Variants in ZFR2 observed in about 807,000 individuals in gnomAD.
ZFR2 encodes the protein zinc finger RNA-binding protein 2.
ZFR2 carries 104 observed loss-of-function variants against 105.7 expected under a neutral mutation model. That is an observed-to-expected ratio of 0.98 (90% confidence interval 0.84 to 1.16). The LOEUF is 1.16. ZFR2 is among the 50% of genes most tolerant of loss of function. The pLI, the probability that ZFR2 is intolerant of heterozygous loss-of-function variation, is 0.00. For synonymous variants in ZFR2, 634 were observed against 597.7 expected, an observed-to-expected ratio of 1.06 and a Z score of -0.89; for missense variants, 1,425 against 1,355.5, an observed-to-expected ratio of 1.05 and a Z score of -0.80.
intron 1 of ZFR2, among the ~76,000 whole-genome samples, chr19:3,861,461 CA>C (rs1360553676): frequency 2.7e-5 from 4 of 147,786 alleles, no homozygotes; most frequent in Non-Finnish European, 6.0e-5. Flanking sequence ...CCCGTCTCTA[CA>C]AAAAAATACA....
intron 12 of ZFR2, among the ~76,000 whole-genome samples, chr19:3,817,567 G>GATA (rs10605531): frequency 0.27 from 33,809 of 123,438 alleles, 4,639 homozygotes; most frequent in Admixed American, 0.35. Flanking sequence ...TCAAAATAAT[G>GATA]ATAATAATAA....
At position 3,831,285 on chromosome 19, in the gene ZFR2, GGC is replaced by G; in HGVS notation, c.852+16_852+17del. On this transcript the variant is annotated intron_variant, in intron 5 of 18. Coordinates refer to ENST00000262961, the MANE Select transcript of ZFR2 (RefSeq NM_015174.2). ...AGAGAGGTCCCTGGGGCCTGCCCAT[GGC>G]AGGAGGGCGACTGACCTGGGGGCCA... 6.7e-7 allele frequency: 1 copy of G among 1,501,680 alleles called. No homozygotes were observed. Among genetic ancestry groups the G allele is most frequent in the South Asian group, 1.3e-5 (1 of 77,424 alleles). 93.0% of individuals were successfully genotyped at this position (1,501,680 alleles called of 1,614,324 possible). A position where few individuals can be genotyped will look rare whatever the true frequency, so the allele number is the denominator to read the frequency against.
Position 3,822,127 on chromosome 19 carries a change from G to T in ZFR2, c.1445C>A (p.Ala482Glu). ...LCECSFNDLNAKDLHVRGRRH... is the reference protein window; with the variant it reads ...LCECSFNDLNEKDLHVRGRRH... ...CCGCCCCCTCACGTGCAGGTCCTTC[G>T]CGTTAAGGTCGTTGAAACTGCACTC... Residue 482 changes from alanine to glutamate, a missense_variant, in exon 9 of 19, where the codon GCG becomes GAG. Ala to Glu is a moderately radical substitution (Grantham distance 107, BLOSUM62 -1). Transcript: ENST00000262961. 1.2e-6 allele frequency: 2 copies of T among 1,610,428 alleles called. No homozygotes were observed. The highest frequency in any genetic ancestry group is 1.7e-6 in the Non-Finnish European group (2 of 1,178,722).
intron 5 of ZFR2, among the ~76,000 whole-genome samples, chr19:3,829,930 G>A (rs1666578302): frequency 6.6e-6 from 1 of 152,178 alleles, no homozygotes; most frequent in African/African-American, 2.4e-5. Context: ...GTTCCTCAAA[G>A]TACTGACCCT....
At chr19:3,815,036 G>A (rs942006873) in intron 13 of ZFR2, among the ~76,000 whole-genome samples, 2 of 152,192 alleles carry the variant, frequency 1.3e-5, no homozygotes, top group African/African-American at 4.8e-5. Flanking sequence ...TCCCAGGGAT[G>A]GTGACAGACG....
chr19:3,840,710 G>T (rs566615271), intron 1 of ZFR2, among the ~76,000 whole-genome samples: 347 of 151,830 alleles, frequency 2.3e-3, no homozygotes, highest in Non-Finnish European at 2.9e-3. Context: ...TTGTTTTTTT[G>T]GGGTAGAGAT....
intron 16 of ZFR2, among the ~76,000 whole-genome samples, chr19:3,810,270 C>A (rs1264789388): frequency 6.6e-6 from 1 of 152,180 alleles, no homozygotes; most frequent in Non-Finnish European, 1.5e-5. Flanking sequence ...GGGCATGGGG[C>A]GTGCTCTGTG....
chr19:3,860,035 C>T (rs1011667401), intron 1 of ZFR2, among the ~76,000 whole-genome samples: 1 of 151,792 alleles, frequency 6.6e-6, no homozygotes, highest in Non-Finnish European at 1.5e-5. Context: ...ACCAAAAGGA[C>T]TTTTTTGCTT....
rs888510137 is a variant in ZFR2 at position 3,818,421 on chromosome 19, G to A, written c.1931+624C>T. On this transcript the variant is annotated intron_variant, in intron 12 of 18. Transcript: ENST00000262961. ...GTCTGAGGGTCAGTGAGCTCTGATCGCGCCATTGCCCTCCAGCCTGGGTAA... is the reference window on the plus strand; with the variant it reads ...GTCTGAGGGTCAGTGAGCTCTGATCACGCCATTGCCCTCCAGCCTGGGTAA... 9.9e-5 allele frequency among the ~76,000 whole-genome samples: 15 copies of A among 152,152 alleles called. 1 individual carries two copies. The highest frequency in any genetic ancestry group is 5.2e-4 in the Admixed American group (8 of 15,274).
intron 1 of ZFR2, among the ~76,000 whole-genome samples, chr19:3,866,667 A>G (rs1022763855): frequency 1.3e-5 from 2 of 152,174 alleles, no homozygotes; most frequent in African/African-American, 4.8e-5. Flanking sequence ...GGAAGAATAC[A>G]ATGGAGAAAG....
chr19:3,815,544 T>C (rs1015540348), intron 13 of ZFR2, among the ~76,000 whole-genome samples: 5 of 152,248 alleles, frequency 3.3e-5, no homozygotes, highest in African/African-American at 4.8e-5. Context: ...CTAGTCGCCA[T>C]TGCTGCGAAT....
At chr19:3,835,179 C>A (rs757437) in intron 1 of ZFR2, among the ~76,000 whole-genome samples, 196 bp from the exon 2 acceptor site, 125,255 of 152,096 alleles carry the variant, frequency 0.82, 52,229 homozygotes, top group East Asian at 0.98. Context: ...TAATGCTGGG[C>A]CTATCACTGC....
At chr19:3,855,301 A>G in intron 1 of ZFR2, 1 of 1,069,946 alleles carries the variant, frequency 9.3e-7, no homozygotes, top group Non-Finnish European at 1.2e-6. Context: ...CTTCTGGCTA[A>G]GCTGAAAAAA....
chr19:3,843,265 G>A (rs1370812028), intron 1 of ZFR2, among the ~76,000 whole-genome samples: 1 of 151,628 alleles, frequency 6.6e-6, no homozygotes, highest in Non-Finnish European at 1.5e-5. Context: ...GAGGTCAGGA[G>A]GTCGGGACCA....
At chr19:3,810,607 G>A (rs1246888442) in intron 16 of ZFR2, 143 bp downstream of exon 16, 2 of 679,376 alleles carry the variant, frequency 2.9e-6, no homozygotes, top group Non-Finnish European at 4.6e-6. Context: ...GGGACCTCAG[G>A]GACTCCCACG....
At chr19:3,820,933 G>T (rs2037884743) in intron 10 of ZFR2, among the ~76,000 whole-genome samples, 1 of 102,666 alleles carries the variant, frequency 9.7e-6, no homozygotes. Context: ...CGGGGGTCGG[G>T]GGACACAGGG....
Position 3,834,658 on chromosome 19 carries a change from A to C in ZFR2, c.264+115T>G, listed in dbSNP as rs2038058710. The C allele has an allele frequency of 6.2e-6, 7 of 1,135,102 alleles. No homozygotes were observed. The South Asian group carries it at 8.1e-5, about 13-fold the overall frequency. 70.3% of individuals were successfully genotyped at this position (1,135,102 alleles called of 1,614,324 possible). On this transcript the variant is annotated intron_variant, in intron 2 of 18. Transcript: ENST00000262961. The surrounding 1 kb of genome is among the most constrained non-coding windows in gnomAD (Gnocchi z 5.3). ...ATGCCAGCAGAAGGGTCCCGAAGGA[A>C]GGATCACGGTTAAGAGGCCTGGGAG...
chr19:3,852,701 T>C (rs1040242551), intron 1 of ZFR2: 10 of 658,152 alleles, frequency 1.5e-5, no homozygotes, highest in South Asian at 7.0e-5. Flanking sequence ...ATCTGCCACA[T>C]TGTGGTTTCA....
At position 3,869,028 on chromosome 19, in the gene ZFR2, T is replaced by C; in HGVS notation, c.-11A>G. ...CTGACTCGTCGCCATCTTGGCGTCT[T>C]CCCCGAGCCTGGCGGACCCGCGACG... On this transcript the variant is annotated 5_prime_UTR_variant, in exon 1 of 19. Transcript: ENST00000262961. The C allele has an allele frequency of 1.5e-6, 2 of 1,349,252 alleles. No homozygotes were observed. The highest frequency in any genetic ancestry group is 3.4e-5 in the Admixed American group (1 of 29,060). The allele number at this position is 1,349,252 out of a possible 1,614,324, so 83.6% of individuals were successfully genotyped here.
Sources: allele counts gnomAD v4.1 joint callset (sites outside exome capture counted in the v4.1 genomes callset), GRCh38; gene constraint gnomAD v4.1.1; non-coding constraint Gnocchi (gnomAD v3.1); transcripts MANE v1.5; gene names NCBI Gene and HGNC (gene_info 2026-07-23, HGNC 2026-07-21).